CDH18: variants seen among roughly 807,000 people sequenced by gnomAD.
The protein encoded by CDH18 is cadherin 18.
In CDH18, 31 loss-of-function variants were observed where a neutral mutation model predicts 67.9. That is an observed-to-expected ratio of 0.46 (90% CI 0.34 to 0.62). The LOEUF is 0.62. Among genes scored for constraint, CDH18 ranks in the 20% least tolerant of loss-of-function variants. CDH18 has a pLI of 0.01. For synonymous variants in CDH18, 362 were observed against 347.2 expected, an observed-to-expected ratio of 1.04 and a Z score of -0.48; for missense variants, 890 against 975.5, an observed-to-expected ratio of 0.91 and a Z score of 1.17.
At chr5:20,088,089 G>T (rs995975058) in intron 2 of CDH18, among the ~76,000 whole-genome samples, 2 of 152,180 alleles carry the variant, frequency 1.3e-5, no homozygotes, top group African/African-American at 4.8e-5. Flanking sequence ...TTGAAGGTTT[G>T]CAAATAACAA....
intron 2 of CDH18, among the ~76,000 whole-genome samples, chr5:20,163,799 T>C (rs1452011327): frequency 6.6e-6 from 1 of 152,228 alleles, no homozygotes; most frequent in Admixed American, 6.5e-5. Context: ...TGTGCAAACA[T>C]ACAACAACCC....
chr5:20,242,610 AAATATATATATATATATATATATGT>A (rs1177807630), intron 2 of CDH18, among the ~76,000 whole-genome samples: 3 of 25,224 alleles, frequency 1.2e-4, no homozygotes, highest in Non-Finnish European at 2.3e-4. Context: ...AAAAAAAAAA[AAATATATATATATATATATATATGT>A]ATATATATAT....
intron 1 of CDH18, among the ~76,000 whole-genome samples, chr5:20,277,185 C>G (rs1046836508): frequency 6.6e-6 from 1 of 152,126 alleles, no homozygotes; most frequent in Non-Finnish European, 1.5e-5. Context: ...GTGGTTACTG[C>G]AGGCCTTCGG....
At chr5:19,646,633 G>A (rs370987258) in intron 5 of CDH18, among the ~76,000 whole-genome samples, 16 of 152,152 alleles carry the variant, frequency 1.1e-4, no homozygotes, top group African/African-American at 3.6e-4. Flanking sequence ...GAGCCACCAC[G>A]CCCGGCCTTA....
At chr5:19,500,057 G>C (rs1353902368) in intron 11 of CDH18, among the ~76,000 whole-genome samples, 1 of 151,182 alleles carries the variant, frequency 6.6e-6, no homozygotes, top group Non-Finnish European at 1.5e-5. Flanking sequence ...CACAGAAAAT[G>C]ATAAATTTTC....
At chr5:19,620,829 G>A (rs1217783070) in intron 5 of CDH18, among the ~76,000 whole-genome samples, 3 of 152,018 alleles carry the variant, frequency 2.0e-5, no homozygotes, top group Admixed American at 6.6e-5. Context: ...CAGGGATTCT[G>A]CAAAGGGCTA....
chr5:19,845,130 G>C (rs529191988), intron 2 of CDH18, among the ~76,000 whole-genome samples: 245 of 151,890 alleles, frequency 1.6e-3, no homozygotes, highest in Non-Finnish European at 3.0e-3. Context: ...AATTATAGTT[G>C]TTAAGATAGT....
chr5:20,312,899 C>A (rs746120891), intron 1 of CDH18, among the ~76,000 whole-genome samples: 11 of 151,896 alleles, frequency 7.2e-5, no homozygotes, highest in Admixed American at 6.6e-4. Context: ...TTAATCAATT[C>A]TTTCTTATTT....
At chr5:20,179,472 T>C (rs1737511536) in intron 2 of CDH18, among the ~76,000 whole-genome samples, 1 of 152,190 alleles carries the variant, frequency 6.6e-6, no homozygotes, top group Non-Finnish European at 1.5e-5. Context: ...ATCAATGTAG[T>C]TGTTAGAGCT....
intron 1 of CDH18, among the ~76,000 whole-genome samples, chr5:20,508,202 T>G (rs917340752): frequency 6.6e-6 from 1 of 151,272 alleles, no homozygotes; most frequent in African/African-American, 2.4e-5. Context: ...AAACTTTTCT[T>G]AAAACACAAT....
rs150094735 is a variant in CDH18, at chr5:20,356,850, TACAC to T, written c.-579-101349_-579-101346del. Among the ~76,000 whole-genome samples the T allele has an allele frequency of 9.5e-3, 1,416 of 148,400 alleles. 119 individuals carry two copies. In the East Asian group the frequency reaches 0.22, roughly 23 times the overall value. ...ATATACCTATATACACACATATATA[TACAC>T]ACACATACATATATACTATATATAT... On this transcript the variant is annotated intron_variant, in intron 1 of 14. Coordinates refer to the CDH18 transcript ENST00000507958.
At chr5:20,021,925 A>T (rs548612203) in intron 2 of CDH18, among the ~76,000 whole-genome samples, 53 of 152,254 alleles carry the variant, frequency 3.5e-4, no homozygotes, top group Admixed American at 1.4e-3. Flanking sequence ...GCAATTGATA[A>T]TATTTGCTTA....
At chr5:20,188,851 A>C in intron 2 of CDH18, among the ~76,000 whole-genome samples, 1 of 150,022 alleles carries the variant, frequency 6.7e-6, no homozygotes, top group Non-Finnish European at 1.5e-5. Context: ...TTCTAGGCAA[A>C]AAAAAAAAAA....
At chr5:20,136,867 C>T (rs989601997) in intron 2 of CDH18, among the ~76,000 whole-genome samples, 2 of 152,026 alleles carry the variant, frequency 1.3e-5, no homozygotes, top group African/African-American at 2.4e-5. Flanking sequence ...TGGTTGGATA[C>T]GAAATTCAGG....
chr5:20,069,704 C>A (rs1328335292), intron 2 of CDH18, among the ~76,000 whole-genome samples: 1 of 152,118 alleles, frequency 6.6e-6, no homozygotes, highest in Admixed American at 6.6e-5. Flanking sequence ...AGCCACTGCG[C>A]CCAGCCATTT....
chr5:19,763,557 T>A (rs1772653301), intron 3 of CDH18, among the ~76,000 whole-genome samples: 2 of 152,160 alleles, frequency 1.3e-5, no homozygotes, highest in African/African-American at 4.8e-5. Flanking sequence ...ATATTTTTTG[T>A]TGAAGGTCTC....
At chr5:20,094,715 C>T (rs545129017) in intron 2 of CDH18, among the ~76,000 whole-genome samples, 6 of 152,112 alleles carry the variant, frequency 3.9e-5, no homozygotes. Flanking sequence ...ATTTTATTCT[C>T]TTTGTAGCAA....
At chr5:19,989,518 A>C (rs1019771373), upstream of CDH18, among the ~76,000 whole-genome samples, 9 of 152,220 alleles carry the variant, frequency 5.9e-5, no homozygotes, top group African/African-American at 2.2e-4. Context: ...GGCAATCCTC[A>C]CTTTAGCAGG....
intron 3 of CDH18, among the ~76,000 whole-genome samples, chr5:19,800,382 A>T (rs1211824473): frequency 6.6e-6 from 1 of 152,094 alleles, no homozygotes. Flanking sequence ...AATGTATGTA[A>T]TTTTTTTAAG....
Sources: allele counts gnomAD v4.1 joint callset (sites outside exome capture counted in the v4.1 genomes callset), GRCh38; gene constraint gnomAD v4.1.1; transcripts MANE v1.5; gene names NCBI Gene and HGNC (gene_info 2026-07-23, HGNC 2026-07-21).